Variants in EXOC4 observed in about 807,000 individuals in gnomAD.
EXOC4 encodes SEC8-like 1.
Under a neutral mutation model 107.2 loss-of-function variants are expected in EXOC4, and 71 were observed. The observed-to-expected ratio is 0.66, with a 90% confidence interval of 0.55 to 0.81. EXOC4 has a LOEUF of 0.81. Ranked by LOEUF, EXOC4 falls within the 30% of genes least tolerant of loss-of-function variation. The pLI, the probability that EXOC4 is intolerant of heterozygous loss-of-function variation, is 0.00. For missense variants in EXOC4, 1,108 were observed against 1,189.6 expected (o/e 0.93, Z 1.01); for synonymous variants, 456 against 441.2 (o/e 1.03, Z -0.42).
chr7:133,445,424 C>T (rs6956293), intron 7 of EXOC4, among the ~76,000 whole-genome samples: 115,001 of 152,032 alleles, frequency 0.76, 44,084 homozygotes, highest in East Asian at 0.96. Flanking sequence ...ATGACTCTGA[C>T]GGGAAAACAC....
At chr7:133,796,904 C>T (rs868623594) in intron 10 of EXOC4, among the ~76,000 whole-genome samples, 1 of 152,076 alleles carries the variant, frequency 6.6e-6, no homozygotes, top group Non-Finnish European at 1.5e-5. Context: ...ATCTGTCTGC[C>T]GACTTAATGG....
At chr7:134,051,313 G>T (rs1490712416) in intron 17 of EXOC4, among the ~76,000 whole-genome samples, 2 of 152,214 alleles carry the variant, frequency 1.3e-5, no homozygotes, top group Non-Finnish European at 2.9e-5. Context: ...GCAGCAGGCA[G>T]ACACAGAGCC....
intron 10 of EXOC4, among the ~76,000 whole-genome samples, chr7:133,648,943 T>C (rs1261688574): frequency 1.3e-5 from 2 of 152,172 alleles, no homozygotes; most frequent in Non-Finnish European, 1.5e-5. Context: ...ATTTAGTGCC[T>C]TTAATATCAC....
intron 8 of EXOC4, among the ~76,000 whole-genome samples, 158 bp downstream of exon 8, chr7:133,475,631 T>A (rs751138430): frequency 6.6e-6 from 1 of 152,228 alleles, no homozygotes. Flanking sequence ...TTTTGTTTTC[T>A]GTCAGGTGAA....
chr7:133,461,191 C>T (rs1798584486), intron 7 of EXOC4, among the ~76,000 whole-genome samples: 1 of 152,150 alleles, frequency 6.6e-6, no homozygotes, highest in Non-Finnish European at 1.5e-5. Context: ...TCTGAGGAGG[C>T]TGCGATGAAT....
At chr7:133,670,432 T>G (rs1793920578) in intron 10 of EXOC4, among the ~76,000 whole-genome samples, 1 of 152,200 alleles carries the variant, frequency 6.6e-6, no homozygotes, top group Non-Finnish European at 1.5e-5. Flanking sequence ...CATGTGTGAC[T>G]GCATGCTCTT....
intron 10 of EXOC4, among the ~76,000 whole-genome samples, chr7:133,650,157 T>C (rs1803105331): frequency 6.6e-6 from 1 of 152,160 alleles, no homozygotes; most frequent in Non-Finnish European, 1.5e-5. Context: ...CATATGTATG[T>C]ACCCTGGTCT....
At chr7:133,780,825 G>T (rs757633640) in intron 10 of EXOC4, among the ~76,000 whole-genome samples, 11 of 152,156 alleles carry the variant, frequency 7.2e-5, no homozygotes, top group Non-Finnish European at 1.5e-4. Context: ...TCTAAAGGGG[G>T]CACTTCCATG....
chr7:134,060,438 G>A (rs1026817624), intron 17 of EXOC4, among the ~76,000 whole-genome samples: 1 of 152,308 alleles, frequency 6.6e-6, no homozygotes, highest in East Asian at 1.9e-4. Flanking sequence ...TCAATCAAAT[G>A]TGCATTCACT....
the EXOC4 span, among the ~76,000 whole-genome samples, chr7:134,100,094 A>G: frequency 1.3e-5 from 2 of 152,122 alleles, no homozygotes; most frequent in Non-Finnish European, 2.9e-5. Context: ...TAAAAAAAAT[A>G]TGCATTTTTC....
chr7:133,928,383 A>G (rs558238583), intron 13 of EXOC4, among the ~76,000 whole-genome samples: 9 of 152,208 alleles, frequency 5.9e-5, no homozygotes, highest in Admixed American at 3.9e-4. Context: ...GCCTGCTGTA[A>G]TCTTGGCCCC....
intron 10 of EXOC4, among the ~76,000 whole-genome samples, chr7:133,793,876 C>T (rs1176706240): frequency 2.6e-5 from 3 of 117,438 alleles, no homozygotes; most frequent in Admixed American, 8.5e-5. Flanking sequence ...AAATAAAATG[C>T]CCTAAAACAG....
chr7:133,471,823 G>T (rs1362663745), intron 7 of EXOC4, among the ~76,000 whole-genome samples: 1 of 152,286 alleles, frequency 6.6e-6, no homozygotes, highest in South Asian at 2.1e-4. Context: ...TAAATTGGGG[G>T]TAGTAAGATG....
In EXOC4 at chr7:133,268,284, T is replaced by C. The variant is rs1018091911; in HGVS notation, c.87-6698T>C. ...AGAGCCTGTGTTCCTTTAATGTGTA[T>C]GTGGATGGCTCTTGTTTGATATAGT... On this transcript the variant is annotated intron_variant, in intron 1 of 17. Transcript: ENST00000253861. Among the ~76,000 whole-genome samples the C allele has an allele frequency of 2.6e-5, 4 of 152,222 alleles. No individual in the cohort carries two copies. The East Asian group carries it at 7.7e-4, about 29-fold the overall frequency.
intron 17 of EXOC4, among the ~76,000 whole-genome samples, chr7:134,014,016 C>T (rs931564434): frequency 6.6e-6 from 1 of 152,302 alleles, no homozygotes; most frequent in East Asian, 1.9e-4. Flanking sequence ...CTAGGAATTT[C>T]ACTCCTAGGT....
At chr7:134,084,861 A>G in the EXOC4 span, among the ~76,000 whole-genome samples, 5 of 152,196 alleles carry the variant, frequency 3.3e-5, no homozygotes, top group African/African-American at 1.2e-4. Context: ...GGCAGCCTTC[A>G]GAATCACAGC....
At chr7:134,059,461 A>AT (rs1337214737) in intron 17 of EXOC4, among the ~76,000 whole-genome samples, 3 of 152,224 alleles carry the variant, frequency 2.0e-5, no homozygotes, top group Non-Finnish European at 2.9e-5. Context: ...ACCTACATAC[A>AT]TTAAAAACAA....
intron 14 of EXOC4, among the ~76,000 whole-genome samples, chr7:133,993,170 T>G (rs1794301820): frequency 6.6e-6 from 1 of 152,208 alleles, no homozygotes; most frequent in Non-Finnish European, 1.5e-5. Flanking sequence ...TGTCAAGGAT[T>G]TTTGCATTTA....
chr7:133,406,336 G>A (rs921882577), intron 7 of EXOC4, among the ~76,000 whole-genome samples: 81 of 152,182 alleles, frequency 5.3e-4, no homozygotes, highest in African/African-American at 1.8e-3. Context: ...TAAGAACATG[G>A]TTTGAAAATC....
Sources: gnomAD v4.1 joint callset for allele counts (sites outside exome capture counted in the v4.1 genomes callset) on GRCh38, gnomAD v4.1.1 for gene constraint, MANE v1.5 for transcripts, NCBI Gene and HGNC (gene_info 2026-07-23, HGNC 2026-07-21) for gene names.